Variants in LASP1 observed in about 807,000 individuals in gnomAD.
LASP1 encodes the protein LIM and SH3 domain protein 1.
Under a neutral mutation model 38.6 loss-of-function variants are expected in LASP1, and 10 were observed. The ratio of observed to expected loss-of-function variants is 0.26; its 90% CI spans 0.16 to 0.44. The LOEUF is 0.44. Ranked by LOEUF, LASP1 falls within the 20% of genes least tolerant of loss-of-function variation. The pLI is 1.00. For synonymous variants in LASP1, 132 were observed against 140.8 expected (o/e 0.94, Z 0.44); for missense variants, 243 against 375.7 (o/e 0.65, Z 2.92).
chr17:38,883,612 C>T (rs971375128), intron 2 of LASP1, among the ~76,000 whole-genome samples: 1 of 152,132 alleles, frequency 6.6e-6, no homozygotes, highest in African/African-American at 2.4e-5. Flanking sequence ...CTTCAGGCCT[C>T]CTGGAGCCTG....
At chr17:38,910,348 G>A (rs1284333513) in intron 4 of LASP1, among the ~76,000 whole-genome samples, 1 of 152,178 alleles carries the variant, frequency 6.6e-6, no homozygotes, top group Non-Finnish European at 1.5e-5. Context: ...GTAATTGAGT[G>A]GGTGTGGCTG....
chr17:38,915,213 C>G (rs773652689), intron 6 of LASP1, 67 bp downstream of exon 6: 46 of 1,258,646 alleles, frequency 3.7e-5, no homozygotes, highest in Non-Finnish European at 6.9e-6. Context: ...TTGGACACAG[C>G]TCATGGATTC....
chr17:38,874,518 T>C (rs226219), intron 1 of LASP1, among the ~76,000 whole-genome samples: 42,011 of 152,054 alleles, frequency 0.28, 6,208 homozygotes, highest in Non-Finnish European at 0.33. Flanking sequence ...TGGGTTTTCT[T>C]GAACCTTGGG....
intron 4 of LASP1, among the ~76,000 whole-genome samples, chr17:38,903,253 G>T (rs117124696): frequency 9.5e-4 from 145 of 152,260 alleles, no homozygotes; most frequent in Admixed American, 1.8e-3. Flanking sequence ...GCCAGGCAGG[G>T]CTCTTTGAGC....
chr17:38,877,030 G>T (rs569574954), intron 1 of LASP1, among the ~76,000 whole-genome samples: 25 of 152,330 alleles, frequency 1.6e-4, no homozygotes, highest in Middle Eastern at 3.4e-3. Context: ...CGCATGAATG[G>T]ATTGGAGCTG....
chr17:38,918,866 T>G lies in LASP1; in HGVS notation c.*88T>G. 4.8e-6 allele frequency: 7 copies of G among 1,452,204 alleles called. No homozygotes were observed. Among genetic ancestry groups the G allele is most frequent in the Non-Finnish European group, 6.6e-6 (7 of 1,062,788 alleles). 90.0% of individuals were successfully genotyped at this position (1,452,204 alleles called of 1,614,324 possible). ...CCCGTCCATTCTTCAGTGTCTCTGT[T>G]TTTTAAAACCTGCGACAGCTTGTGA... is the stretch of plus-strand genomic sequence containing the variant. On this transcript the variant is annotated 3_prime_UTR_variant, in exon 7 of 7. Coordinates refer to ENST00000318008, the MANE Select transcript of LASP1 (RefSeq NM_006148.4). This position sits in a 1 kb window ranked among gnomAD's most constrained non-coding sequence, Gnocchi z 4.4.
At position 38,870,067 on chromosome 17, in the gene LASP1, C is replaced by A. The variant is rs1224411244; in HGVS notation, c.-123C>A. On this transcript the variant is annotated 5_prime_UTR_variant, in exon 1 of 7. Transcript: ENST00000318008. ...GAGGGCGGAGGCGGAGGCCAGTTCC[C>A]CAGCTCCAGCCGCCGTCGCTGCTGC... 4.7e-6 allele frequency: 5 copies of A among 1,052,990 alleles called. No individual in the cohort carries two copies. The highest frequency in any genetic ancestry group is 4.0e-5 in the Admixed American group (2 of 50,028). 65.2% of individuals were successfully genotyped at this position (1,052,990 alleles called of 1,614,324 possible). A position where few individuals can be genotyped will look rare whatever the true frequency, so the allele number is the denominator to read the frequency against.
chr17:38,907,519 A>G (rs1914806040), intron 4 of LASP1, among the ~76,000 whole-genome samples: 1 of 152,074 alleles, frequency 6.6e-6, no homozygotes, highest in Admixed American at 6.6e-5. Context: ...AAGTCATTTA[A>G]TTTCTGAGCC....
intron 4 of LASP1, among the ~76,000 whole-genome samples, chr17:38,908,362 T>G (rs1459583693): frequency 6.6e-6 from 1 of 152,230 alleles, no homozygotes; most frequent in African/African-American, 2.4e-5. Context: ...CCTGGAGGCC[T>G]CAGGAGGGGT....
intron 2 of LASP1, among the ~76,000 whole-genome samples, chr17:38,884,216 C>A (rs1394473725): frequency 6.6e-6 from 1 of 151,814 alleles, no homozygotes. Context: ...TGGCTGATGG[C>A]AGGACTGGAG....
At chr17:38,917,145 C>G (rs543375582) in intron 6 of LASP1, among the ~76,000 whole-genome samples, 1 of 152,212 alleles carries the variant, frequency 6.6e-6, no homozygotes, top group African/African-American at 2.4e-5. Context: ...TGAGAAGAGG[C>G]AGTGGTTTGA....
In LASP1 at chr17:38,920,540, C is replaced by T. The variant is rs1156553081; in HGVS notation, c.*1762C>T. ...AGCCCAACCAGGCCCTGCCATTGGC[C>T]TCTTGTCCCTTGGCACACTTGTACC... On this transcript the variant is annotated 3_prime_UTR_variant, in exon 7 of 7. Transcript: ENST00000318008. The T allele has an allele frequency of 7.8e-6, 2 of 255,424 alleles. No individual in the cohort carries two copies. Among genetic ancestry groups the T allele is most frequent in the Non-Finnish European group, 1.5e-5 (2 of 129,672 alleles). 15.8% of individuals were successfully genotyped at this position (255,424 alleles called of 1,614,324 possible).
chr17:38,901,915 G>A (rs904996282), intron 4 of LASP1, among the ~76,000 whole-genome samples: 1 of 151,956 alleles, frequency 6.6e-6, no homozygotes, highest in South Asian at 2.1e-4. Context: ...ACAGGCGCCC[G>A]CCACCACGCC....
At chr17:38,884,684 C>T (rs891293621) in intron 2 of LASP1, among the ~76,000 whole-genome samples, 31 of 137,392 alleles carry the variant, frequency 2.3e-4, no homozygotes, top group African/African-American at 3.4e-4. Context: ...CCACCACGTC[C>T]GGCTTTTTTT....
chr17:38,884,372 CT>C lies in LASP1; in HGVS notation c.165-6030del, dbSNP rs527674429. ...CACAGGGCCTCTTCAGTATCATATC[CT>C]TTTTTTTTTTTTTTTTTAATTTTTA... On this transcript the variant is annotated intron_variant, in intron 2 of 6. Transcript: ENST00000318008. Among the ~76,000 whole-genome samples the C allele has an allele frequency of 1.0e-2, 1,365 of 137,110 alleles. 4 individuals carry two copies. Among genetic ancestry groups the C allele is most frequent in the Middle Eastern group, 0.019 (5 of 268 alleles). 89.9% of individuals were successfully genotyped at this position (137,110 alleles called of 152,430 possible). A position where few individuals can be genotyped will look rare whatever the true frequency, so the allele number is the denominator to read the frequency against.
At chr17:38,897,324 C>T (rs557948206) in intron 3 of LASP1, among the ~76,000 whole-genome samples, 7 of 152,322 alleles carry the variant, frequency 4.6e-5, no homozygotes, top group East Asian at 3.9e-4. Flanking sequence ...AAGCACAGCT[C>T]GGTGCTGCTG....
At chr17:38,890,164 G>A (rs888764246) in intron 2 of LASP1, 2 of 481,224 alleles carry the variant, frequency 4.2e-6, no homozygotes, top group Non-Finnish European at 7.6e-6. Flanking sequence ...CCATCCTTTC[G>A]CTCAGGACAG....
chr17:38,904,015 A>G (rs974610752), intron 4 of LASP1: 1 of 152,128 alleles, frequency 6.6e-6, no homozygotes, highest in African/African-American at 2.4e-5. Context: ...CTCTTCTTTT[A>G]TTTACTTACA....
intron 3 of LASP1, among the ~76,000 whole-genome samples, chr17:38,896,551 C>T (rs1914497228): frequency 6.6e-6 from 1 of 152,232 alleles, no homozygotes; most frequent in African/African-American, 2.4e-5. Flanking sequence ...GATTATTCCC[C>T]TGGATTAGGG....
Sources: allele counts gnomAD v4.1 joint callset (sites outside exome capture counted in the v4.1 genomes callset), GRCh38; gene constraint gnomAD v4.1.1; non-coding constraint Gnocchi (gnomAD v3.1); transcripts MANE v1.5; gene names NCBI Gene and HGNC (gene_info 2026-07-23, HGNC 2026-07-21).